Variants in DCLK2 observed in about 807,000 individuals in gnomAD.
DCLK2 encodes serine/threonine-protein kinase DCLK2.
In DCLK2, 31 loss-of-function variants were observed where a neutral mutation model predicts 78.4. The ratio of observed to expected loss-of-function variants is 0.40; its 90% confidence interval spans 0.30 to 0.53. The LOEUF is 0.53. Ranked by LOEUF, DCLK2 falls within the 20% of genes least tolerant of loss-of-function variation. The probability of loss-of-function intolerance (pLI) is 0.61; values close to 1 mark genes in which losing one functional copy is unlikely to be tolerated. For missense variants in DCLK2, 872 were observed against 973.7 expected, an observed-to-expected ratio of 0.90 and a Z score of 1.39; for synonymous variants, 407 against 374.9, an observed-to-expected ratio of 1.09 and a Z score of -0.99.
intron 1 of DCLK2, among the ~76,000 whole-genome samples, chr4:150,094,531 C>T (rs574341266): frequency 1.3e-5 from 2 of 152,248 alleles, no homozygotes; most frequent in African/African-American, 4.8e-5. Context: ...CCCGTAGATG[C>T]CTTCAGTTGA....
At chr4:150,214,978 A>G (rs1174608236) in intron 5 of DCLK2, among the ~76,000 whole-genome samples, 2 of 150,892 alleles carry the variant, frequency 1.3e-5, no homozygotes, top group Non-Finnish European at 2.9e-5. Flanking sequence ...AAAAAGAAAG[A>G]AAATGTTTCT....
chr4:150,248,740 G>C (rs1743517068), intron 14 of DCLK2, among the ~76,000 whole-genome samples: 1 of 152,096 alleles, frequency 6.6e-6, no homozygotes, highest in Non-Finnish European at 1.5e-5. Context: ...CTGGAGATGA[G>C]CCTGTTTCAG....
chr4:150,253,433 AAAAGT>A (rs1344971365), intron 15 of DCLK2: 15 of 1,289,688 alleles, frequency 1.2e-5, no homozygotes, highest in Non-Finnish European at 1.5e-5. Context: ...AAGGTGAAAA[AAAAGT>A]AAAGTTGATG....
intron 2 of DCLK2, among the ~76,000 whole-genome samples, chr4:150,188,078 C>T (rs766621149): frequency 8.5e-5 from 13 of 152,262 alleles, no homozygotes; most frequent in African/African-American, 1.9e-4. Context: ...GGATTGCACG[C>T]GTGAGCCACT....
chr4:150,190,481 C>T (rs943815161), intron 2 of DCLK2, among the ~76,000 whole-genome samples: 3 of 152,068 alleles, frequency 2.0e-5, no homozygotes, highest in African/African-American at 7.3e-5. Flanking sequence ...AAGGAATGAA[C>T]TGCTGATAAA....
chr4:150,226,019 G>T (rs931410570), intron 8 of DCLK2, among the ~76,000 whole-genome samples: 18 of 152,160 alleles, frequency 1.2e-4, no homozygotes, highest in African/African-American at 4.3e-4. Flanking sequence ...TTATTAATAT[G>T]CCAGAGGAGT....
At chr4:150,173,460 G>A (rs1736702632) in intron 2 of DCLK2, among the ~76,000 whole-genome samples, 3 of 152,084 alleles carry the variant, frequency 2.0e-5, no homozygotes, top group Admixed American at 6.5e-5. Flanking sequence ...CACCAGAGAT[G>A]GAATAAAGGC....
At chr4:150,231,284 A>G (rs1352503212) in intron 8 of DCLK2, among the ~76,000 whole-genome samples, 2 of 152,212 alleles carry the variant, frequency 1.3e-5, no homozygotes, top group Non-Finnish European at 2.9e-5. Context: ...TTTCTTTCCC[A>G]TACTTCTGTT....
chr4:150,227,955 TGA>T (rs1560889319), intron 8 of DCLK2, among the ~76,000 whole-genome samples: 3 of 152,214 alleles, frequency 2.0e-5, no homozygotes, highest in African/African-American at 7.2e-5. Flanking sequence ...TTCAGGAGGC[TGA>T]GAGTCCGAAA....
intron 2 of DCLK2, among the ~76,000 whole-genome samples, chr4:150,187,803 C>CTTTTTTTTT (rs11415812): frequency 7.3e-6 from 1 of 137,588 alleles, no homozygotes; most frequent in Non-Finnish European, 1.5e-5. Context: ...CTCAGTTGTA[C>CTTTTTTTTT]TTTTTTTTTT....
intron 1 of DCLK2, among the ~76,000 whole-genome samples, chr4:150,101,828 A>G (rs1730910462): frequency 1.3e-5 from 2 of 152,218 alleles, no homozygotes; most frequent in South Asian, 2.1e-4. Context: ...AGAAAAGCGT[A>G]TATTTAAACA....
intron 2 of DCLK2, among the ~76,000 whole-genome samples, chr4:150,138,874 C>T: frequency 6.6e-6 from 1 of 151,940 alleles, no homozygotes; most frequent in Non-Finnish European, 1.5e-5. Flanking sequence ...CCTTGTTAGC[C>T]AGGATGGTCT....
intron 14 of DCLK2, among the ~76,000 whole-genome samples, chr4:150,249,146 A>G (rs1345059459): frequency 1.3e-5 from 2 of 151,106 alleles, no homozygotes; most frequent in South Asian, 2.1e-4. Context: ...AAGATACCAC[A>G]TTTTTTTTTA....
At chr4:150,234,415 C>T (rs1243647545) in intron 10 of DCLK2, among the ~76,000 whole-genome samples, 5 of 152,162 alleles carry the variant, frequency 3.3e-5, no homozygotes, top group East Asian at 3.9e-4. Context: ...AAACACATAA[C>T]GGACAGCAGA....
intron 6 of DCLK2, 144 bp from the exon 7 acceptor site, chr4:150,221,533 T>G: frequency 1.9e-6 from 1 of 533,286 alleles, no homozygotes; most frequent in Non-Finnish European, 3.2e-6. Flanking sequence ...AGGTGTTCTA[T>G]TCAGGAAATG....
chr4:150,147,273 G>A (rs1734548798), intron 2 of DCLK2, among the ~76,000 whole-genome samples: 1 of 152,076 alleles, frequency 6.6e-6, no homozygotes, highest in African/African-American at 2.4e-5. Flanking sequence ...CCTCCATCCT[G>A]GGCAACAGAG....
At chr4:150,194,115 A>G (rs1738683865) in intron 3 of DCLK2, among the ~76,000 whole-genome samples, 1 of 151,544 alleles carries the variant, frequency 6.6e-6, no homozygotes, top group Non-Finnish European at 1.5e-5. Context: ...CCATGTAAGG[A>G]TGCTTTGGTC....
At chr4:150,116,843 G>T (rs902202426) in intron 2 of DCLK2, among the ~76,000 whole-genome samples, 1 of 152,200 alleles carries the variant, frequency 6.6e-6, no homozygotes, top group Non-Finnish European at 1.5e-5. Flanking sequence ...CTTCCTGGGT[G>T]CTGTGTTCTT....
intron 7 of DCLK2, among the ~76,000 whole-genome samples, chr4:150,223,256 G>A (rs1170161749): frequency 3.3e-5 from 5 of 152,144 alleles, no homozygotes; most frequent in Admixed American, 3.3e-4. Context: ...TTGTTATAGG[G>A]AGAACAATTT....
Sources: gnomAD v4.1 joint callset for allele counts (sites outside exome capture counted in the v4.1 genomes callset) on GRCh38, gnomAD v4.1.1 for gene constraint, MANE v1.5 for transcripts, NCBI Gene and HGNC (gene_info 2026-07-23, HGNC 2026-07-21) for gene names.